Variants in TENM2 observed in about 807,000 individuals in gnomAD.
The protein encoded by TENM2 is teneurin transmembrane protein 2.
Under a neutral mutation model 245.2 loss-of-function variants are expected in TENM2, and 52 were observed. The ratio of observed to expected loss-of-function variants is 0.21; its 90% CI spans 0.17 to 0.27. The LOEUF (loss-of-function observed/expected upper bound fraction) is 0.27. TENM2 is among the 10% of genes least tolerant of loss of function. The pLI is 1.00. For missense variants in TENM2, 3,046 were observed against 3,666.8 expected, an observed-to-expected ratio of 0.83 and a Z score of 4.37; for synonymous variants, 1,363 against 1,438.9, an observed-to-expected ratio of 0.95 and a Z score of 1.19.
chr5:167,048,329 A>G, the TENM2 span, among the ~76,000 whole-genome samples: 4 of 152,210 alleles, frequency 2.6e-5, no homozygotes, highest in South Asian at 2.1e-4. Context: ...GAGTTGTTCA[A>G]ATATTGACTA....
intron 2 of TENM2, among the ~76,000 whole-genome samples, chr5:167,825,034 G>A (rs1767844706): frequency 6.6e-6 from 1 of 152,098 alleles, no homozygotes; most frequent in Non-Finnish European, 1.5e-5. Context: ...TGTGTTTGGA[G>A]ACAAATTTTC....
the TENM2 span, among the ~76,000 whole-genome samples, chr5:167,009,712 C>T: frequency 1.3e-3 from 193 of 152,128 alleles, no homozygotes; most frequent in African/African-American, 3.5e-3. Context: ...CCACTGATCA[C>T]AGGGAAGGAG....
intron 2 of TENM2, among the ~76,000 whole-genome samples, chr5:167,502,931 G>A (rs1401835986): frequency 6.6e-6 from 1 of 152,296 alleles, no homozygotes; most frequent in South Asian, 2.1e-4. Flanking sequence ...CTGGGTTCAA[G>A]CAATCCTCCT....
At chr5:167,708,623 G>A (rs574500647) in intron 2 of TENM2, among the ~76,000 whole-genome samples, 73 of 152,210 alleles carry the variant, frequency 4.8e-4, no homozygotes, top group Non-Finnish European at 9.7e-4. Context: ...TTGGGTAGAG[G>A]ACCGAGGAGA....
At chr5:168,006,268 G>T (rs1265723474) in intron 5 of TENM2, among the ~76,000 whole-genome samples, 3 of 152,158 alleles carry the variant, frequency 2.0e-5, no homozygotes, top group African/African-American at 4.8e-5. Flanking sequence ...GCCCAGAAAA[G>T]ACTACCCTAA....
intron 3 of TENM2, among the ~76,000 whole-genome samples, chr5:167,919,408 A>G (rs1777185072): frequency 6.6e-6 from 1 of 152,236 alleles, no homozygotes; most frequent in African/African-American, 2.4e-5. Flanking sequence ...TTTTGATGAA[A>G]GTAATGGAAT....
chr5:167,817,934 G>C (rs968569228), intron 2 of TENM2, among the ~76,000 whole-genome samples: 1 of 152,160 alleles, frequency 6.6e-6, no homozygotes, highest in South Asian at 2.1e-4. Context: ...TTTTGCATTA[G>C]ATTGGAAGTT....
intron 2 of TENM2, among the ~76,000 whole-genome samples, chr5:167,656,943 C>CTTTTT (rs5873053): frequency 1.4e-5 from 2 of 142,458 alleles, no homozygotes; most frequent in African/African-American, 5.1e-5. Flanking sequence ...AAAGATTTAT[C>CTTTTT]TTTTTTTTTT....
At chr5:167,559,301 A>T (rs1773445403) in intron 2 of TENM2, among the ~76,000 whole-genome samples, 1 of 152,170 alleles carries the variant, frequency 6.6e-6, no homozygotes, top group Non-Finnish European at 1.5e-5. Context: ...GAATTAGCTG[A>T]ATATGCCCAG....
rs1581577181 is a variant in TENM2 at position 168,187,587 on chromosome 5, C to T, written c.2570-2750C>T. On this transcript the variant is annotated intron_variant, in intron 13 of 28. Transcript: ENST00000518659. ...TGAAGGAAGCCCTGCCAGCATATCT[C>T]AGCAGGTTATTTTTTAAATCTGAAA... 3.9e-5 allele frequency: 6 copies of T among 152,356 alleles called. No individual in the cohort carries two copies. In the South Asian group the frequency reaches 1.0e-3, roughly 26 times the overall value. The allele number at this position is 152,356 out of a possible 1,614,324, so 9.4% of individuals were successfully genotyped here. A position where few individuals can be genotyped will look rare whatever the true frequency, so the allele number is the denominator to read the frequency against.
At chr5:167,284,654 G>C, upstream of TENM2, 1 of 597,456 alleles carries the variant, frequency 1.7e-6, no homozygotes, top group South Asian at 2.0e-5. Context: ...ATTGTGCAGG[G>C]CTGACCAAGG....
chr5:167,613,250 T>A (rs1201005812), intron 2 of TENM2, among the ~76,000 whole-genome samples: 1 of 152,094 alleles, frequency 6.6e-6, no homozygotes, highest in African/African-American at 2.4e-5. Flanking sequence ...ATGTGTAAAA[T>A]CACGATAATA....
chr5:167,503,621 C>T (rs915754649), intron 2 of TENM2, among the ~76,000 whole-genome samples: 33 of 151,632 alleles, frequency 2.2e-4, no homozygotes, highest in Admixed American at 1.8e-3. Context: ...TGGCTGGGAA[C>T]GCTGGCTCAT....
chr5:167,407,425 GTAAT>G (rs1374419139), intron 2 of TENM2, among the ~76,000 whole-genome samples: 1 of 152,094 alleles, frequency 6.6e-6, no homozygotes, highest in African/African-American at 2.4e-5. Flanking sequence ...CCCAGATCTT[GTAAT>G]TTTCCAAGTA....
chr5:167,988,372 T>C (rs1436418120), intron 4 of TENM2, among the ~76,000 whole-genome samples: 2 of 152,202 alleles, frequency 1.3e-5, no homozygotes, highest in Non-Finnish European at 2.9e-5. Context: ...TATTTTAAAC[T>C]TTATTGAAAT....
At chr5:168,050,235 T>G (rs1788957750) in intron 6 of TENM2, among the ~76,000 whole-genome samples, 1 of 152,194 alleles carries the variant, frequency 6.6e-6, no homozygotes, top group Admixed American at 6.5e-5. Context: ...ATCAGATCTC[T>G]TCTTAAGTGG....
intron 2 of TENM2, among the ~76,000 whole-genome samples, chr5:167,611,197 C>T (rs1260112398): frequency 6.6e-6 from 1 of 152,102 alleles, no homozygotes; most frequent in East Asian, 1.9e-4. Context: ...TATAGTGTAC[C>T]CTTTTCAGAT....
At chr5:167,139,505 A>G in the TENM2 span, among the ~76,000 whole-genome samples, 16 of 152,232 alleles carry the variant, frequency 1.1e-4, no homozygotes, top group African/African-American at 3.6e-4. Context: ...CTGCAAACAA[A>G]TTCTTAAACC....
In TENM2 at chr5:167,925,189, G is replaced by A. The variant is rs551939703; in HGVS notation, c.713-27399G>A. On this transcript the variant is annotated intron_variant, in intron 3 of 28. Coordinates refer to ENST00000518659, the Ensembl canonical transcript of TENM2. Reference sequence around the variant, plus strand: ...GCATCATACAATAGAATACTATTCAGCAATACAAAGGAATAATCTACTGAC... The same window carrying A: ...GCATCATACAATAGAATACTATTCAACAATACAAAGGAATAATCTACTGAC... Among the ~76,000 whole-genome samples, 35 of 152,282 alleles carry A rather than the reference G, an allele frequency of 2.3e-4. No individual in the cohort carries two copies. The East Asian group carries it at 6.6e-3, about 29-fold the overall frequency.
Sources: gnomAD v4.1 joint callset for allele counts (sites outside exome capture counted in the v4.1 genomes callset) on GRCh38, gnomAD v4.1.1 for gene constraint, MANE v1.5 for transcripts, NCBI Gene and HGNC (gene_info 2026-07-23, HGNC 2026-07-21) for gene names.